The following LMOD3 variants were observed in gnomAD, a reference collection of about 807,000 sequenced individuals.
LMOD3 encodes the protein leiomodin 3.
LMOD3 carries 31 observed loss-of-function variants against 41.8 expected under a neutral mutation model. That is an observed-to-expected ratio of 0.74 (90% CI 0.56 to 1.00). LMOD3 has a LOEUF of 1.00. LMOD3 is among the 50% of genes least tolerant of loss of function. The pLI is 0.00. For synonymous variants in LMOD3, 292 were observed against 241.9 expected (o/e 1.21, Z -1.92); for missense variants, 755 against 679.5 (o/e 1.11, Z -1.23).
rs1252768762 is a variant in LMOD3 at position 69,107,494 on chromosome 3, T to TTTTTTTTTTTTTTTTTG, written c.*1600_*1601insCAAAAAAAAAAAAAAAA. 1.6e-5 allele frequency: 2 copies of TTTTTTTTTTTTTTTTTG among 125,112 alleles called. No individual in the cohort carries two copies. Among genetic ancestry groups the TTTTTTTTTTTTTTTTTG allele is most frequent in the Admixed American group, 8.1e-5 (1 of 12,372 alleles). The allele number at this position is 125,112 out of a possible 1,614,324, so 7.8% of individuals were successfully genotyped here. On this transcript the variant is annotated 3_prime_UTR_variant, in exon 3 of 3. Transcript: ENST00000420581. ...TTTTTTTTTTTTTTTTTTTTTTTTT[T>TTTTTTTTTTTTTTTTTG]GAGATGGAGTATCACTCTGTCACCC...
intron 2 of LMOD3, 67 bp downstream of exon 2, chr3:69,118,632 G>A (rs2092388401): frequency 7.4e-6 from 11 of 1,496,376 alleles, no homozygotes; most frequent in Non-Finnish European, 9.9e-6. Flanking sequence ...AAACAGAGAG[G>A]GAATAAAGTT....
intron 2 of LMOD3, among the ~76,000 whole-genome samples, chr3:69,117,628 T>A (rs1300825342): frequency 1.3e-5 from 2 of 152,192 alleles, no homozygotes; most frequent in Non-Finnish European, 2.9e-5. Context: ...TAATCGTGGA[T>A]CATGGTAAAT....
At chr3:69,110,323 A>G (rs1411483185) in intron 2 of LMOD3, among the ~76,000 whole-genome samples, 3 of 151,632 alleles carry the variant, frequency 2.0e-5, no homozygotes, top group Non-Finnish European at 4.4e-5. Flanking sequence ...TCTGCCTCCC[A>G]GGTTCAAGCG....
chr3:69,116,060 CCTT>C (rs1039806891), intron 2 of LMOD3, among the ~76,000 whole-genome samples: 1 of 152,088 alleles, frequency 6.6e-6, no homozygotes, highest in Non-Finnish European at 1.5e-5. Context: ...CTACTTTTGA[CCTT>C]CTGTAAGTCT....
At chr3:69,115,816 C>T (rs1374936140) in intron 2 of LMOD3, among the ~76,000 whole-genome samples, 1 of 152,100 alleles carries the variant, frequency 6.6e-6, no homozygotes, top group Admixed American at 6.5e-5. Context: ...TATTTTGGGA[C>T]ATTTCAACAG....
At chr3:69,115,355 G>A (rs2092366780) in intron 2 of LMOD3, among the ~76,000 whole-genome samples, 1 of 151,896 alleles carries the variant, frequency 6.6e-6, no homozygotes, top group African/African-American at 2.4e-5. Context: ...CGTGTGTGGT[G>A]AGTGCGGTCC....
chr3:69,110,849 A>T (rs1317640248), intron 2 of LMOD3, among the ~76,000 whole-genome samples: 3 of 124,750 alleles, frequency 2.4e-5, no homozygotes, highest in East Asian at 3.4e-4. Flanking sequence ...AAAAAAAAAA[A>T]AAAAATATAT....
intron 1 of LMOD3, 78 bp from the exon 2 acceptor site, chr3:69,120,138 T>C (rs2107527012): frequency 7.0e-7 from 1 of 1,425,846 alleles, no homozygotes; most frequent in East Asian, 2.4e-5. Flanking sequence ...GTGGAGATAA[T>C]AAAAATGCTT....
In LMOD3 at chr3:69,106,252, G is replaced by A. The variant is rs947463403; in HGVS notation, c.*2843C>T. Among the ~76,000 whole-genome samples, 3 of 151,996 alleles carry A rather than the reference G, an allele frequency of 2.0e-5. No individual in the cohort carries two copies. Among genetic ancestry groups the A allele is most frequent in the African/African-American group, 4.8e-5 (2 of 41,372 alleles). On this transcript the variant is annotated 3_prime_UTR_variant, in exon 3 of 3. Coordinates refer to ENST00000420581, the MANE Select transcript of LMOD3 (RefSeq NM_198271.5). The stretch of plus-strand genomic sequence containing the variant: ...GGGATCCTATTTTTAAACCTGGCAC[G>A]AGTTTTATATACATGTTAGCCCAGT...
intron 1 of LMOD3, 22 bp downstream of exon 1, chr3:69,122,071 T>C (rs1199482112): frequency 6.3e-7 from 1 of 1,597,722 alleles, no homozygotes; most frequent in African/African-American, 1.3e-5. Flanking sequence ...CATTTCTCGG[T>C]TGTACACAAA....
chr3:69,122,166 T>G lies in LMOD3; in HGVS notation c.221A>C (p.Tyr74Ser). The G allele has an allele frequency of 1.9e-6, 3 of 1,613,120 alleles. No individual in the cohort carries two copies. Among genetic ancestry groups the G allele is most frequent in the Non-Finnish European group, 2.5e-6 (3 of 1,179,536 alleles). ...GNFNHKSLVD[Y>S]MYWEKASRRM... ...CCTGGATGCCTTTTCCCAATACATA[T>G]AATCAACAAGAGATTTATGATTGAA... is the stretch of plus-strand genomic sequence containing the variant. Residue 74 changes from tyrosine (Y) to serine (S), a missense_variant, in exon 1 of 3, where the codon TAT becomes TCT. Transcript: ENST00000420581.
intron 2 of LMOD3, among the ~76,000 whole-genome samples, chr3:69,117,066 C>T (rs1397629702): frequency 1.3e-5 from 2 of 152,202 alleles, no homozygotes; most frequent in Non-Finnish European, 2.9e-5. Context: ...AACAATACCC[C>T]AATTCATTCC....
In LMOD3 at chr3:69,107,970, C is replaced by T. The variant is rs1383327883; in HGVS notation, c.*1125G>A. The T allele has an allele frequency of 6.6e-6, 1 of 152,022 alleles. No individual in the cohort carries two copies. The highest frequency in any genetic ancestry group is 2.4e-5 in the African/African-American group (1 of 41,358). 9.4% of individuals were successfully genotyped at this position (152,022 alleles called of 1,614,324 possible). A position where few individuals can be genotyped will look rare whatever the true frequency, so the allele number is the denominator to read the frequency against. ...CCCGGGAGTTGAAGACTGGGTAGGA[C>T]GTTCATTAATGGAGAACAGGAGGGA... is the stretch of plus-strand genomic sequence containing the variant. On this transcript the variant is annotated 3_prime_UTR_variant, in exon 3 of 3. Coordinates refer to ENST00000420581, the MANE Select transcript of LMOD3 (RefSeq NM_198271.5).
intron 2 of LMOD3, among the ~76,000 whole-genome samples, chr3:69,111,284 C>T (rs1417137602): frequency 6.6e-6 from 1 of 152,146 alleles, no homozygotes; most frequent in East Asian, 1.9e-4. Context: ...TGCTGCCTGC[C>T]AGCCTTCAAG....
At position 69,118,793 on chromosome 3, in the gene LMOD3, A is replaced by C. The variant is rs759004762; in HGVS notation, c.1562T>G (p.Val521Gly). 3 of 1,609,464 alleles carry C rather than the reference A, an allele frequency of 1.9e-6. No individual in the cohort carries two copies. The African/African-American group carries it at 4.1e-5, about 22-fold the overall frequency. ...LKDVIKTLKPVPRNRPPPLVE... is the reference protein window; with the variant it reads ...LKDVIKTLKPGPRNRPPPLVE... ...CAATGGGGGTGGCCTGTTTCTCGGC[A>C]CTGGCTTGAGCGTTTTGATGACATC... Residue 521 changes from valine (V) to glycine (G), a missense_variant, in exon 2 of 3, where the codon GTG becomes GGG. Physicochemically the swap from Val to Gly is moderately radical, Grantham distance 109. Transcript: ENST00000420581.
Position 69,119,388 on chromosome 3 carries a change from T to G in LMOD3, c.967A>C (p.Thr323Pro), listed in dbSNP as rs763700666. The change falls in exon 2 of 3, where the codon ACA becomes CCA. Residue 323 changes from threonine (T) to proline (P), a missense_variant. Transcript: ENST00000420581. ...TTLNIESNFI[T>P]GKGIVAIMRC... ...ATGATGGCCACAATCCCTTTACCTG[T>G]GATGAAATTGGACTCGATGTTGAGA... is the stretch of plus-strand genomic sequence containing the variant. 8.7e-6 allele frequency: 14 copies of G among 1,613,884 alleles called. No homozygotes were observed. In the East Asian group the frequency reaches 2.9e-4, roughly 33 times the overall value.
In LMOD3 at chr3:69,119,850, T is replaced by G; in HGVS notation, c.505A>C (p.Thr169Pro). The change falls in exon 2 of 3, where the codon ACG becomes CCG. Residue 169 changes from threonine (T) to proline (P), a missense_variant. By Grantham distance (38) the Thr-to-Pro change is conservative. Transcript: ENST00000420581. ...GCTTTGCCTTCCTCTTCTCTGTTCG[T>G]TTCTTCACTCTCTTCACCATCATCT... is the stretch of plus-strand genomic sequence containing the variant. ...GEDDGEESEE[T>P]NREEEGKAKE... 1 of 1,562,832 alleles carries G rather than the reference T, an allele frequency of 6.4e-7. No homozygotes were observed. The highest frequency in any genetic ancestry group is 2.4e-5 in the East Asian group (1 of 41,974).
chr3:69,122,318 G>A lies in LMOD3; in HGVS notation c.69C>T (p.Ile23=). Residue 23 remains isoleucine, a synonymous_variant, in exon 1 of 3, where the codon ATC becomes ATT. Coordinates refer to ENST00000420581, the MANE Select transcript of LMOD3 (RefSeq NM_198271.5). ...GTTCTTCAGCAGACAAGTTGGCCAAGATTTCATCTTCATTAATCTCCTCAT... is the reference window on the plus strand; with the variant it reads ...GTTCTTCAGCAGACAAGTTGGCCAAAATTTCATCTTCATTAATCTCCTCAT... ...LLDEEINEDE[I]LANLSAEELK... is the part of the protein sequence containing the mutation. 1 of 1,613,184 alleles carries A rather than the reference G, an allele frequency of 6.2e-7. No homozygotes were observed. Among genetic ancestry groups the A allele is most frequent in the Non-Finnish European group, 8.5e-7 (1 of 1,179,478 alleles).
Position 69,118,736 on chromosome 3 carries a change from T to C in LMOD3, c.1619A>G (p.Asn540Ser). The C allele has an allele frequency of 6.2e-7, 1 of 1,612,876 alleles. No individual in the cohort carries two copies. Residue 540 changes from asparagine to serine, a missense_variant, in exon 2 of 3, where the codon AAC becomes AGC. Physicochemically the swap from Asn to Ser is conservative, Grantham distance 46 (BLOSUM62 1). Coordinates refer to ENST00000420581, the MANE Select transcript of LMOD3 (RefSeq NM_198271.5). ...GGCGACACTGCTGTGACGAATGTCG[T>C]TTAGCAGCTGATCTCTGGGAGTGAT... ...VEITPRDQLLNDIRHSSVAYL... is the reference protein window; with the variant it reads ...VEITPRDQLLSDIRHSSVAYL...
Sources: allele counts gnomAD v4.1 joint callset (sites outside exome capture counted in the v4.1 genomes callset), GRCh38; gene constraint gnomAD v4.1.1; transcripts MANE v1.5; gene names NCBI Gene and HGNC (gene_info 2026-07-23, HGNC 2026-07-21).